The following PKIB variants were observed in gnomAD, a reference collection of about 807,000 sequenced individuals.
PKIB encodes PKI-beta.
A neutral mutation model predicts 4.5 loss-of-function variants in PKIB; 2 were observed. The ratio of observed to expected loss-of-function variants is 0.44; its 90% confidence interval spans 0.18 to 1.39. The LOEUF (loss-of-function observed/expected upper bound fraction) is 1.39. Ranked by LOEUF, PKIB falls within the 40% of genes most tolerant of loss-of-function variation. The probability of loss-of-function intolerance (pLI) is 0.27; values close to 1 mark genes in which losing one functional copy is unlikely to be tolerated. For missense variants in PKIB, 94 were observed against 92.6 expected (o/e 1.02, Z -0.06); for synonymous variants, 38 against 36.0 (o/e 1.06, Z -0.20).
At chr6:122,493,475 T>G (rs1220187375) in intron 2 of PKIB, 1 of 152,262 alleles carries the variant, frequency 6.6e-6, no homozygotes, top group Non-Finnish European at 1.5e-5. Flanking sequence ...ACATATATGA[T>G]GTATTGAAAT....
intron 2 of PKIB, among the ~76,000 whole-genome samples, chr6:122,650,783 C>T (rs944890744): frequency 1.1e-4 from 16 of 152,232 alleles, no homozygotes; most frequent in Admixed American, 8.5e-4. Flanking sequence ...AAGGACTCTC[C>T]TGGGGTATGT....
intron 2 of PKIB, among the ~76,000 whole-genome samples, chr6:122,558,097 G>A (rs949143648): frequency 3.9e-5 from 6 of 152,146 alleles, no homozygotes; most frequent in Non-Finnish European, 8.8e-5. Flanking sequence ...ACTTACTGAA[G>A]CAGAAAGGTG....
chr6:122,599,491 G>T (rs920529874), intron 3 of PKIB, among the ~76,000 whole-genome samples: 2 of 152,124 alleles, frequency 1.3e-5, no homozygotes, highest in Admixed American at 6.6e-5. Context: ...CACAATTTCA[G>T]CTTTTTCTCT....
At chr6:122,599,329 G>C (rs1020038023) in intron 3 of PKIB, among the ~76,000 whole-genome samples, 7 of 152,144 alleles carry the variant, frequency 4.6e-5, no homozygotes, top group African/African-American at 1.7e-4. Flanking sequence ...AGCTTTATCA[G>C]GGTCCTCCCA....
chr6:122,500,218 A>G (rs1269130293), intron 2 of PKIB, among the ~76,000 whole-genome samples: 1 of 151,630 alleles, frequency 6.6e-6, no homozygotes, highest in Non-Finnish European at 1.5e-5. Context: ...TTGGCTACCC[A>G]GTGAGATATT....
intron 3 of PKIB, among the ~76,000 whole-genome samples, chr6:122,717,395 T>C (rs3813492): frequency 0.42 from 64,062 of 152,054 alleles, 15,035 homozygotes; most frequent in South Asian, 0.64. Flanking sequence ...GCCTGAACAA[T>C]CACCACAAGC....
At chr6:122,602,356 C>G (rs1774396070) in intron 3 of PKIB, among the ~76,000 whole-genome samples, 1 of 152,128 alleles carries the variant, frequency 6.6e-6, no homozygotes. Context: ...AGGAGACAGG[C>G]TTTGTTTTCT....
intron 2 of PKIB, chr6:122,478,298 T>C (rs1246643740): frequency 6.6e-6 from 1 of 152,230 alleles, no homozygotes; most frequent in African/African-American, 2.4e-5. Flanking sequence ...TACTTGTATT[T>C]TGTGGCAGAA....
At chr6:122,640,406 G>A (rs1445448503) in intron 2 of PKIB, among the ~76,000 whole-genome samples, 1 of 152,136 alleles carries the variant, frequency 6.6e-6, no homozygotes, top group South Asian at 2.1e-4. Flanking sequence ...CCTATTCTTA[G>A]TTGCTGGAAA....
intron 2 of PKIB, among the ~76,000 whole-genome samples, chr6:122,491,325 C>T (rs535336930): frequency 1.3e-5 from 2 of 152,166 alleles, no homozygotes; most frequent in Admixed American, 6.5e-5. Context: ...AGGTCATATA[C>T]CAGTTAAACT....
chr6:122,543,450 G>A (rs535559375), intron 2 of PKIB, among the ~76,000 whole-genome samples: 204 of 149,690 alleles, frequency 1.4e-3, no homozygotes, highest in African/African-American at 4.9e-3. Context: ...CATGATCTCA[G>A]CTCACTGCAA....
intron 2 of PKIB, among the ~76,000 whole-genome samples, chr6:122,558,164 G>A (rs1182231628): frequency 1.3e-5 from 2 of 152,138 alleles, no homozygotes; most frequent in African/African-American, 4.8e-5. Context: ...GTTTAGTCAT[G>A]GCTGAATTTA....
At chr6:122,538,823 C>G in intron 2 of PKIB, among the ~76,000 whole-genome samples, 1 of 152,086 alleles carries the variant, frequency 6.6e-6, no homozygotes, top group Non-Finnish European at 1.5e-5. Flanking sequence ...ATGGAATCTT[C>G]TTCCATTTGT....
At chr6:122,482,385 A>C (rs1286581629) in intron 2 of PKIB, 1 of 152,176 alleles carries the variant, frequency 6.6e-6, no homozygotes, top group Admixed American at 6.6e-5. Flanking sequence ...TTTCATAGGG[A>C]AAGGTTATAT....
chr6:122,692,723 G>A (rs1477056079), intron 3 of PKIB, among the ~76,000 whole-genome samples: 1 of 152,192 alleles, frequency 6.6e-6, no homozygotes, highest in Non-Finnish European at 1.5e-5. Context: ...TTATAAAGGT[G>A]TAGATAGTTG....
At chr6:122,496,429 A>T (rs1776077704) in intron 2 of PKIB, among the ~76,000 whole-genome samples, 1 of 152,250 alleles carries the variant, frequency 6.6e-6, no homozygotes, top group South Asian at 2.1e-4. Flanking sequence ...CAAAGCATAG[A>T]TGTCAAGGAA....
intron 3 of PKIB, among the ~76,000 whole-genome samples, chr6:122,687,658 G>C (rs933883028): frequency 1.3e-5 from 2 of 152,056 alleles, no homozygotes; most frequent in Middle Eastern, 3.4e-3. Flanking sequence ...CAGGGTTTTA[G>C]TTTTTATTGT....
intron 2 of PKIB, among the ~76,000 whole-genome samples, chr6:122,533,144 CTTTTTATT>C (rs200003892): frequency 0.061 from 8,965 of 147,312 alleles, 818 homozygotes; most frequent in South Asian, 0.25. Flanking sequence ...ATGCACAAAA[CTTTTTATT>C]TATTTATTTA....
chr6:122,550,793 T>C (rs1230759527), intron 2 of PKIB, among the ~76,000 whole-genome samples: 1 of 152,242 alleles, frequency 6.6e-6, no homozygotes, highest in East Asian at 1.9e-4. Flanking sequence ...CTTTCTAGTT[T>C]ATTTCCTTGT....
Sources: gnomAD v4.1 joint callset for allele counts (sites outside exome capture counted in the v4.1 genomes callset) on GRCh38, gnomAD v4.1.1 for gene constraint, MANE v1.5 for transcripts, NCBI Gene and HGNC (gene_info 2026-07-23, HGNC 2026-07-21) for gene names.